The following NLRP5 variants were observed in gnomAD, a reference collection of about 807,000 sequenced individuals.
The protein encoded by NLRP5 is NACHT, LRR and PYD domains-containing protein 5.
Under a neutral mutation model 113.1 loss-of-function variants are expected in NLRP5, and 93 were observed. The observed-to-expected ratio is 0.82, with a 90% CI of 0.70 to 0.98. The LOEUF (loss-of-function observed/expected upper bound fraction) is 0.98, where lower values mean the gene tolerates loss of function less well. Among genes scored for constraint, NLRP5 ranks in the 50% least tolerant of loss-of-function variants. The pLI, the probability that NLRP5 is intolerant of heterozygous loss-of-function variation, is 0.00. For missense variants in NLRP5, 1,808 were observed against 1,514.3 expected (o/e 1.19, Z -3.22); for synonymous variants, 751 against 600.7 (o/e 1.25, Z -3.66).
At position 56,015,769 on chromosome 19, in the gene NLRP5, G is replaced by A; in HGVS notation, c.536G>A (p.Ser179Asn). Residue 179 changes from serine (S) to asparagine (N), a missense_variant, in exon 4 of 15, where the codon AGT becomes AAT. By Grantham distance (46) the Ser-to-Asn change is conservative. Coordinates refer to ENST00000390649, the MANE Select transcript of NLRP5 (RefSeq NM_153447.4). ...ATTTCACAAGCTGTGCAACAAGATAGTGCCACAGCTGCAGAGACAAAAGAA... is the reference window on the plus strand; with the variant it reads ...ATTTCACAAGCTGTGCAACAAGATAATGCCACAGCTGCAGAGACAAAAGAA... 1.9e-6 allele frequency: 3 copies of A among 1,572,394 alleles called. No homozygotes were observed. The highest frequency in any genetic ancestry group is 1.2e-5 in the South Asian group (1 of 84,920).
Position 56,027,319 on chromosome 19 carries a change from C to T in NLRP5, c.1086C>T (p.Asp362=), listed in dbSNP as rs779559885. The change falls in exon 7 of 15, where the codon GAC becomes GAT. Residue 362 remains aspartate (D), a synonymous_variant. Coordinates refer to ENST00000390649, the MANE Select transcript of NLRP5 (RefSeq NM_153447.4). ...CAGAAAGGCTGTTGTTCATCATTGA[C>T]GGTTTCGATGACCTGGGCTCTGTCC... 2.5e-5 allele frequency: 41 copies of T among 1,612,254 alleles called. No homozygotes were observed. The highest frequency in any genetic ancestry group is 8.9e-5 in the East Asian group (4 of 44,894).
At chr19:56,060,941 G>T (rs904157905) in intron 14 of NLRP5, among the ~76,000 whole-genome samples, 3 of 152,290 alleles carry the variant, frequency 2.0e-5, no homozygotes, top group Non-Finnish European at 2.9e-5. Flanking sequence ...ATTAGAAAAG[G>T]TTCAGGGAGT....
chr19:56,029,277 C>CT (rs576453059), intron 7 of NLRP5, among the ~76,000 whole-genome samples: 102 of 151,862 alleles, frequency 6.7e-4, no homozygotes, highest in African/African-American at 2.3e-3. Context: ...GTATTTTTTT[C>CT]TTTTTTTGAG....
chr19:56,056,996 C>T (rs1684853), intron 13 of NLRP5, among the ~76,000 whole-genome samples: 22,119 of 151,988 alleles, frequency 0.15, 1,918 homozygotes, highest in Non-Finnish European at 0.2. Context: ...AAAAATTAGG[C>T]ATGGTGGCAG....
intron 9 of NLRP5, among the ~76,000 whole-genome samples, chr19:56,036,861 G>T (rs1265086398): frequency 6.6e-6 from 1 of 152,170 alleles, no homozygotes; most frequent in Non-Finnish European, 1.5e-5. Context: ...GGAGACTGAG[G>T]CAGGAGCATC....
chr19:56,053,738 C>G lies in NLRP5; in HGVS notation c.3229C>G (p.Leu1077Val). Residue 1077 changes from leucine to valine, a missense_variant, in exon 13 of 15, where the codon CTG becomes GTG. Physicochemically the swap from Leu to Val is conservative, Grantham distance 32. Coordinates refer to ENST00000390649, the MANE Select transcript of NLRP5 (RefSeq NM_153447.4). The stretch of plus-strand genomic sequence containing the variant: ...GAGCCTGGATCTCACGGACAATGCC[C>G]TGGGTGACGGTGGGGTTGCTGCGCT... 6.2e-7 allele frequency: 1 copy of G among 1,613,946 alleles called. No individual in the cohort carries two copies. Among genetic ancestry groups the G allele is most frequent in the Non-Finnish European group, 8.5e-7 (1 of 1,179,874 alleles).
In NLRP5 at chr19:56,027,664, C is replaced by T. The variant is rs778921105; in HGVS notation, c.1431C>T (p.Ile477=). 4 of 1,613,448 alleles carry T rather than the reference C, an allele frequency of 2.5e-6. No individual in the cohort carries two copies. The highest frequency in any genetic ancestry group is 4.5e-5 in the East Asian group (2 of 44,882). ...AGGTGCCCGCCGTGGGCTCTCTCAT[C>T]TGCGTGGCCCTGCAGCTGCAGGACG... Residue 477 remains isoleucine (I), a synonymous_variant, in exon 7 of 15, where the codon ATC becomes ATT. Transcript: ENST00000390649.
At chr19:56,036,055 A>ATTTTTTT (rs1261118713) in intron 9 of NLRP5, among the ~76,000 whole-genome samples, 9 of 90,578 alleles carry the variant, frequency 9.9e-5, no homozygotes, top group African/African-American at 4.4e-4. Flanking sequence ...ATGAATTGAG[A>ATTTTTTT]TTCTTTTTTT....
At position 56,053,686 on chromosome 19, in the gene NLRP5, T is replaced by G; in HGVS notation, c.3177T>G (p.Cys1059Trp). Residue 1059 changes from cysteine to tryptophan, a missense_variant, in exon 13 of 15, where the codon TGT (cysteine) becomes TGG (tryptophan). By Grantham distance (215) the Cys-to-Trp change is radical (BLOSUM62 -2). Coordinates refer to ENST00000390649, the MANE Select transcript of NLRP5 (RefSeq NM_153447.4). ...CCGCGTGCTGTGAGAGTCTGTCCTGTGTGATCTCGAGGAGCAGACACCTGA... is the reference window on the plus strand; with the variant it reads ...CCGCGTGCTGTGAGAGTCTGTCCTGGGTGATCTCGAGGAGCAGACACCTGA... The G allele has an allele frequency of 6.2e-7, 1 of 1,613,978 alleles. No homozygotes were observed. The highest frequency in any genetic ancestry group is 8.5e-7 in the Non-Finnish European group (1 of 1,179,886).
At chr19:56,047,229 G>A (rs1011893454) in intron 11 of NLRP5, among the ~76,000 whole-genome samples, 5 of 151,932 alleles carry the variant, frequency 3.3e-5, no homozygotes, top group African/African-American at 1.2e-4. Flanking sequence ...TTTTGTTTCA[G>A]TTTCACTTAA....
the NLRP5 span, among the ~76,000 whole-genome samples, chr19:55,993,422 T>C: frequency 1.1e-3 from 9 of 8,006 alleles, no homozygotes; most frequent in African/African-American, 1.7e-3. Context: ...CCTCTCCCCC[T>C]CCTCTCCCCC....
chr19:56,014,703 A>G (rs1280784287), intron 3 of NLRP5, among the ~76,000 whole-genome samples: 1 of 152,126 alleles, frequency 6.6e-6, no homozygotes, highest in Non-Finnish European at 1.5e-5. Flanking sequence ...ATCATTGTCT[A>G]GATATTCTTG....
intron 9 of NLRP5, among the ~76,000 whole-genome samples, chr19:56,035,218 C>G (rs774680426): frequency 6.6e-6 from 1 of 152,136 alleles, no homozygotes; most frequent in Non-Finnish European, 1.5e-5. Context: ...TATTCTGAGA[C>G]AGACAAGTAC....
chr19:56,033,670 A>T lies in NLRP5; in HGVS notation c.2576A>T (p.Glu859Val), dbSNP rs374178303. 1 of 1,613,882 alleles carries T rather than the reference A, an allele frequency of 6.2e-7. No individual in the cohort carries two copies. Among genetic ancestry groups the T allele is most frequent in the Non-Finnish European group, 8.5e-7 (1 of 1,179,832 alleles). The change falls in exon 9 of 15, where the codon GAA becomes GTA. Residue 859 changes from glutamate (E) to valine (V), a missense_variant. Transcript: ENST00000390649. ...GAAGAGGATGTAAGGATGGCGTGTG[A>T]AGCCTTAAAACACCCAAAATGTTTG...
At chr19:56,055,533 CTGTCTTTTTT>C (rs1273844674) in intron 13 of NLRP5, among the ~76,000 whole-genome samples, 9 of 99,498 alleles carry the variant, frequency 9.0e-5, no homozygotes, top group African/African-American at 1.7e-4. Context: ...TTTTCTTTCT[CTGTCTTTTTT>C]TTTTTTTTTT....
At chr19:55,987,287 T>C in the NLRP5 span, among the ~76,000 whole-genome samples, 1 of 152,186 alleles carries the variant, frequency 6.6e-6, no homozygotes, top group Non-Finnish European at 1.5e-5. Flanking sequence ...GGAGAATCGC[T>C]TTAACCCAGG....
rs1982958247 is a variant in NLRP5 at position 56,028,279 on chromosome 19, A to G, written c.2046A>G (p.Gly682=). 6.2e-7 allele frequency: 1 copy of G among 1,613,938 alleles called. No homozygotes were observed. The highest frequency in any genetic ancestry group is 8.5e-7 in the Non-Finnish European group (1 of 1,179,846). The change falls in exon 7 of 15, where the codon GGA becomes GGG. Residue 682 remains glycine (G), a synonymous_variant. Transcript: ENST00000390649. ...AGCAGCCTAATGCCACCACCCCAGG[A>G]GACACCCTGGACGCCTTCCACTGTC...
intron 2 of NLRP5, among the ~76,000 whole-genome samples, chr19:56,005,093 C>CA (rs1163132309): frequency 0.029 from 2,206 of 76,378 alleles, 91 homozygotes; most frequent in African/African-American, 0.084. Context: ...GACTGTGTCT[C>CA]AAAAAAAAAA....
intron 4 of NLRP5, among the ~76,000 whole-genome samples, chr19:56,017,527 G>T (rs76403898): frequency 6.6e-5 from 10 of 151,976 alleles, no homozygotes; most frequent in Non-Finnish European, 1.2e-4. Context: ...CCTTTGACCT[G>T]TTGAGGATCG....
Sources: gnomAD v4.1 joint callset for allele counts (sites outside exome capture counted in the v4.1 genomes callset) on GRCh38, gnomAD v4.1.1 for gene constraint, MANE v1.5 for transcripts, NCBI Gene and HGNC (gene_info 2026-07-23, HGNC 2026-07-21) for gene names.